The following MYOF variants were observed in gnomAD, a reference collection of about 807,000 sequenced individuals.
The protein encoded by MYOF is fer-1-like 3, myoferlin.
In MYOF, 244 loss-of-function variants were observed where a neutral mutation model predicts 284.2. That is an observed-to-expected ratio of 0.86 (90% CI 0.77 to 0.95). MYOF has a LOEUF of 0.95. Ranked by LOEUF, MYOF falls within the 40% of genes least tolerant of loss-of-function variation. The pLI is 0.00. For missense variants in MYOF, 2,496 were observed against 2,560.6 expected, an observed-to-expected ratio of 0.97 and a Z score of 0.54; for synonymous variants, 904 against 919.7, an observed-to-expected ratio of 0.98 and a Z score of 0.31.
At chr10:93,332,599 A>G (rs1843366966) in intron 43 of MYOF, among the ~76,000 whole-genome samples, 1 of 151,402 alleles carries the variant, frequency 6.6e-6, no homozygotes, top group Non-Finnish European at 1.5e-5. Context: ...TAATCCCAGC[A>G]CTTTGGGAGG....
rs778874033 is a variant in MYOF at position 93,443,466 on chromosome 10, CTCTCTCTGTGTG to C, written c.236+8572_236+8583del. ...TCCTCTTTCTTCTCTCTCTCTCTCT[CTCTCTCTGTGTG>C]TGTGTGTGTGTGTGTGTGTGTGTCT... On this transcript the variant is annotated intron_variant, in intron 3 of 53. Transcript: ENST00000359263. Among the ~76,000 whole-genome samples, 555 of 116,470 alleles carry C rather than the reference CTCTCTCTGTGTG, an allele frequency of 4.8e-3. 3 individuals carry two copies. Among genetic ancestry groups the C allele is most frequent in the African/African-American group, 0.017 (537 of 31,070 alleles). 76.4% of individuals were successfully genotyped at this position (116,470 alleles called of 152,430 possible).
intron 26 of MYOF, among the ~76,000 whole-genome samples, chr10:93,365,140 A>G (rs1845269718): frequency 6.6e-6 from 1 of 152,232 alleles, no homozygotes; most frequent in African/African-American, 2.4e-5. Context: ...GCAAGCAAGC[A>G]CGTTTGGGTC....
At chr10:93,367,788 G>A (rs550096085) in intron 25 of MYOF, among the ~76,000 whole-genome samples, 1 of 151,868 alleles carries the variant, frequency 6.6e-6, no homozygotes, top group South Asian at 2.1e-4. Flanking sequence ...CACATGTGAA[G>A]CACCTCATAG....
intron 7 of MYOF, among the ~76,000 whole-genome samples, chr10:93,407,184 G>A (rs1452706507): frequency 3.3e-5 from 5 of 152,112 alleles, no homozygotes. Context: ...CCAGCACTTT[G>A]GGAGGCCAAG....
intron 37 of MYOF, among the ~76,000 whole-genome samples, chr10:93,345,966 T>C (rs1844168274): frequency 6.6e-6 from 1 of 152,142 alleles, no homozygotes; most frequent in African/African-American, 2.4e-5. Context: ...GCGTGTAGCA[T>C]TTGTACCCTC....
intron 7 of MYOF, among the ~76,000 whole-genome samples, chr10:93,407,682 A>G (rs1269852323): frequency 1.1e-3 from 164 of 150,314 alleles, no homozygotes; most frequent in African/African-American, 3.5e-3. Flanking sequence ...AGCTTGCAGT[A>G]AGCCAACATC....
intron 38 of MYOF, among the ~76,000 whole-genome samples, chr10:93,341,369 A>G (rs1007279464): frequency 2.6e-5 from 4 of 151,360 alleles, no homozygotes; most frequent in African/African-American, 9.7e-5. Context: ...TCCGCCTCCC[A>G]GGTTCAAGCG....
At chr10:93,406,638 CTG>C (rs1847606865) in intron 7 of MYOF, among the ~76,000 whole-genome samples, 1 of 151,730 alleles carries the variant, frequency 6.6e-6, no homozygotes, top group African/African-American at 2.4e-5. Flanking sequence ...TGCCCCATCT[CTG>C]TGCAGCCCCT....
At chr10:93,462,345 C>A (rs1391745735) in intron 1 of MYOF, among the ~76,000 whole-genome samples, 1 of 152,174 alleles carries the variant, frequency 6.6e-6, no homozygotes, top group East Asian at 1.9e-4. Flanking sequence ...GCTGGGATTA[C>A]AGGCGTGAGA....
rs1027262048 is a variant in MYOF, at chr10:93,402,212, T to C, written c.990+20A>G. On this transcript the variant is annotated intron_variant, in intron 11 of 53. Transcript: ENST00000359263. ...CTTTTTTAGTGAGAAGTGTAGAAAG[T>C]AGAGAATGTAGGGACTCACAGGAGG... 3.8e-6 allele frequency: 6 copies of C among 1,593,828 alleles called. No homozygotes were observed. The highest frequency in any genetic ancestry group is 5.2e-6 in the Non-Finnish European group (6 of 1,161,608).
At chr10:93,460,983 T>C (rs2056865739) in intron 1 of MYOF, among the ~76,000 whole-genome samples, 1 of 144,690 alleles carries the variant, frequency 6.9e-6, no homozygotes, top group South Asian at 2.2e-4. Context: ...TAATCCCCGA[T>C]ACTCGGGTGG....
At chr10:93,346,364 C>T (rs1374844418) in intron 37 of MYOF, among the ~76,000 whole-genome samples, 1 of 152,214 alleles carries the variant, frequency 6.6e-6, no homozygotes, top group African/African-American at 2.4e-5. Flanking sequence ...AAATAGAAGA[C>T]ATCTGCTTCA....
chr10:93,313,101 C>T lies in MYOF; in HGVS notation c.5808G>A (p.Lys1936=), dbSNP rs1308753208. 6.2e-7 allele frequency: 1 copy of T among 1,614,168 alleles called. No homozygotes were observed. Among genetic ancestry groups the T allele is most frequent in the Non-Finnish European group, 8.5e-7 (1 of 1,180,004 alleles). The change falls in exon 51 of 54, where the codon AAG becomes AAA. Residue 1936 remains lysine, a synonymous_variant. Transcript: ENST00000359263. ...ACTTCTGCTCAAAGAGGGAGGCTGTCTTGGCTTTAAGGGGGTTCATGGCTT... is the reference window on the plus strand; with the variant it reads ...ACTTCTGCTCAAAGAGGGAGGCTGTTTTGGCTTTAAGGGGGTTCATGGCTT... ...DLKAMNPLKA[K]TASLFEQKSM...
At chr10:93,446,936 C>T (rs148151524) in intron 3 of MYOF, among the ~76,000 whole-genome samples, 132 of 152,136 alleles carry the variant, frequency 8.7e-4, no homozygotes, top group Middle Eastern at 3.4e-3. Flanking sequence ...AGGCTGTTCT[C>T]GAACTCCTGG....
intron 1 of MYOF, among the ~76,000 whole-genome samples, chr10:93,470,143 C>A (rs1389680421): frequency 6.6e-6 from 1 of 150,416 alleles, no homozygotes; most frequent in African/African-American, 2.4e-5. Context: ...GTAGGAGAAT[C>A]GCTTGACCCC....
chr10:93,354,163 C>T lies in MYOF; in HGVS notation c.3404-275G>A, dbSNP rs1012495276. ...TCCTAGGCAGGCAGACTGTTTGAGG[C>T]CAGGAGTTAGGAGACCAGCCTGGTC... On this transcript the variant is annotated intron_variant, in intron 31 of 53. Coordinates refer to ENST00000359263, the MANE Select transcript of MYOF (RefSeq NM_013451.4). 7.2e-5 allele frequency among the ~76,000 whole-genome samples: 11 copies of T among 152,194 alleles called. No individual in the cohort carries two copies. In the South Asian group the frequency reaches 1.7e-3, roughly 23 times the overall value.
At chr10:93,445,207 G>A (rs2056394820) in intron 3 of MYOF, among the ~76,000 whole-genome samples, 1 of 152,146 alleles carries the variant, frequency 6.6e-6, no homozygotes, top group South Asian at 2.1e-4. Flanking sequence ...TAACATAAAA[G>A]TCAAGTGTAC....
intron 1 of MYOF, among the ~76,000 whole-genome samples, chr10:93,461,161 A>C (rs958730986): frequency 2.0e-5 from 3 of 152,218 alleles, no homozygotes; most frequent in Admixed American, 2.0e-4. Flanking sequence ...TCTCATCCTG[A>C]AGTTTCTTCC....
At chr10:93,434,438 A>AAC (rs1554863156) in intron 3 of MYOF, among the ~76,000 whole-genome samples, 1 of 151,832 alleles carries the variant, frequency 6.6e-6, no homozygotes, top group East Asian at 1.9e-4. Flanking sequence ...CTCAAAAAAA[A>AAC]AAAAAAAAAC....
Sources: gnomAD v4.1 joint callset for allele counts (sites outside exome capture counted in the v4.1 genomes callset) on GRCh38, gnomAD v4.1.1 for gene constraint, MANE v1.5 for transcripts, NCBI Gene and HGNC (gene_info 2026-07-23, HGNC 2026-07-21) for gene names.